Variants in NBPF11 observed in about 807,000 individuals in gnomAD.
NBPF11 encodes NBPF member 11, also known as NBPF family member NBPF11.
A neutral mutation model predicts 93.9 loss-of-function variants in NBPF11; 72 were observed. The observed-to-expected ratio is 0.77, with a 90% CI of 0.63 to 0.93. The LOEUF (loss-of-function observed/expected upper bound fraction) is 0.93. Among genes scored for constraint, NBPF11 ranks in the 40% least tolerant of loss-of-function variants. The pLI is 0.00. For missense variants in NBPF11, 705 were observed against 802.2 expected (o/e 0.88, Z 1.46); for synonymous variants, 224 against 304.9 (o/e 0.73, Z 2.76).
intron 5 of NBPF11, 148 bp from the exon 6 acceptor site, chr1:148,125,149 C>T: frequency 3.6e-6 from 3 of 842,776 alleles, no homozygotes; most frequent in Non-Finnish European, 5.7e-6. Flanking sequence ...CTTTACTCTT[C>T]AGTCTTCTGA....
intron 20 of NBPF11, among the ~76,000 whole-genome samples, chr1:148,106,694 A>G (rs1214320053): frequency 1.3e-5 from 2 of 148,722 alleles, no homozygotes; most frequent in African/African-American, 2.5e-5. Context: ...CCTGGGTCCA[A>G]TGTGCTGAGA....
chr1:148,128,003 G>A (rs1669526951), intron 4 of NBPF11, among the ~76,000 whole-genome samples: 1 of 150,526 alleles, frequency 6.6e-6, no homozygotes, highest in Admixed American at 6.6e-5. Context: ...TTGTTTGATT[G>A]TGTTTTTCCC....
At chr1:148,131,376 G>T (rs1670312390) in intron 4 of NBPF11, among the ~76,000 whole-genome samples, 1 of 147,826 alleles carries the variant, frequency 6.8e-6, no homozygotes, top group Admixed American at 6.6e-5. Flanking sequence ...GATCTGAAGG[G>T]ACTCTCCAAA....
chr1:148,122,928 T>C, intron 7 of NBPF11, 127 bp from the exon 8 acceptor site: 2 of 1,554,626 alleles, frequency 1.3e-6, no homozygotes, highest in South Asian at 1.2e-5. Flanking sequence ...TCTCATGTTT[T>C]ATCCTTCACA....
At chr1:148,136,495 G>C (rs1671305956) in intron 3 of NBPF11, among the ~76,000 whole-genome samples, 1 of 150,196 alleles carries the variant, frequency 6.7e-6, no homozygotes. Context: ...GAGTGCAATA[G>C]GAGCCATACG....
At chr1:148,142,952 C>A (rs1487798988) in intron 2 of NBPF11, among the ~76,000 whole-genome samples, 32 of 152,166 alleles carry the variant, frequency 2.1e-4, no homozygotes, top group African/African-American at 7.3e-4. Context: ...GAGGGCACTG[C>A]CTAAAACCAC....
rs1671568500 is a variant in NBPF11 at position 148,137,807 on chromosome 1, T to C, written c.-274A>G. 6.9e-6 allele frequency: 1 copy of C among 143,958 alleles called. No homozygotes were observed. Among genetic ancestry groups the C allele is most frequent in the Middle Eastern group, 3.4e-3 (1 of 292 alleles). The allele number at this position is 143,958 out of a possible 1,614,324, so 8.9% of individuals were successfully genotyped here. On this transcript the variant is annotated splice_region_variant and 5_prime_UTR_variant, in exon 3 of 24. The change abolishes an upstream ATG in the 5' untranslated region. Transcript: ENST00000682118. ...TGTGGCTTTACTGTTATCAATCACA[T>C]TTCTGAAAGAATAAAAATGGTTCAG...
intron 15 of NBPF11, among the ~76,000 whole-genome samples, chr1:148,112,104 C>CTTT (rs1171126687): frequency 2.3e-5 from 3 of 131,224 alleles, no homozygotes; most frequent in African/African-American, 6.6e-5. Flanking sequence ...ATTCAACATT[C>CTTT]TTTTTTTTCC....
chr1:148,136,776 G>T (rs2149278802), intron 3 of NBPF11, among the ~76,000 whole-genome samples: 1 of 151,978 alleles, frequency 6.6e-6, no homozygotes, highest in Middle Eastern at 3.4e-3. Context: ...CAGATAAGCT[G>T]TTTGTTCAGT....
Position 148,120,712 on chromosome 1 carries a change from T to G in NBPF11, c.779-2A>C, listed in dbSNP as rs1667624217. 3.4e-5 allele frequency: 51 copies of G among 1,501,722 alleles called. No homozygotes were observed. 93.0% of individuals were successfully genotyped at this position (1,501,722 alleles called of 1,614,324 possible). A position where few individuals can be genotyped will look rare whatever the true frequency, so the allele number is the denominator to read the frequency against. On this transcript the variant is annotated splice_acceptor_variant, in intron 9 of 23. Coordinates refer to ENST00000682118, the MANE Select transcript of NBPF11 (RefSeq NM_001385469.3). LOFTEE classifies it high-confidence loss of function. ...TGGCAGAAGAGGTGGGGCCAGGGACTGGGGAGAAGAAAGGCAAACATATGA... is the reference window on the plus strand; with the variant it reads ...TGGCAGAAGAGGTGGGGCCAGGGACGGGGGAGAAGAAAGGCAAACATATGA...
chr1:148,108,905 C>G (rs879962350), intron 17 of NBPF11, among the ~76,000 whole-genome samples: 1,071 of 126,554 alleles, frequency 8.5e-3, no homozygotes, highest in African/African-American at 0.039. Context: ...TGAGCTCAGT[C>G]AATTGGCCAG....
At position 148,143,457 on chromosome 1, in the gene NBPF11, A is replaced by T; in HGVS notation, c.-319T>A. The T allele has an allele frequency of 1.0e-6, 1 of 958,900 alleles. No individual in the cohort carries two copies. Among genetic ancestry groups the T allele is most frequent in the South Asian group, 2.7e-5 (1 of 37,534 alleles). The allele number at this position is 958,900 out of a possible 1,614,324, so 59.4% of individuals were successfully genotyped here. ...TCTTCATGTCGGCCCACACCATGTG[A>T]AGCTGCTCTTGGTGCACTGAATGGG... On this transcript the variant is annotated 5_prime_UTR_variant, in exon 2 of 24. Transcript: ENST00000682118.
In NBPF11 at chr1:148,115,643, G is replaced by C. The variant is rs1262722934; in HGVS notation, c.1585+150C>G. The C allele has an allele frequency of 7.6e-6, 10 of 1,310,630 alleles. No individual in the cohort carries two copies. The South Asian group carries it at 1.2e-4, about 16-fold the overall frequency. The allele number at this position is 1,310,630 out of a possible 1,614,324, so 81.2% of individuals were successfully genotyped here. A position where few individuals can be genotyped will look rare whatever the true frequency, so the allele number is the denominator to read the frequency against. ...ACTGGCAAACAAAGGCATGACATTA[G>C]CTGAGAAGGACAAAAAAACTCCCTG... On this transcript the variant is annotated intron_variant, in intron 14 of 23. Transcript: ENST00000682118.
At chr1:148,131,338 C>T (rs1670303006) in intron 4 of NBPF11, among the ~76,000 whole-genome samples, 1 of 151,520 alleles carries the variant, frequency 6.6e-6, no homozygotes, top group Admixed American at 6.6e-5. Flanking sequence ...AAGAAACTCC[C>T]CAGGCCTCCA....
At chr1:148,146,124 G>A (rs1672973844) in intron 1 of NBPF11, among the ~76,000 whole-genome samples, 1 of 151,904 alleles carries the variant, frequency 6.6e-6, no homozygotes, top group East Asian at 1.9e-4. Context: ...GCCATGGAGC[G>A]CGGCCCTGGG....
chr1:148,106,687 G>A (rs1486228357), intron 20 of NBPF11, among the ~76,000 whole-genome samples: 2 of 148,282 alleles, frequency 1.3e-5, no homozygotes, highest in African/African-American at 2.6e-5. Flanking sequence ...ACATCTGCCT[G>A]GGTCCAATGT....
At chr1:148,126,007 G>C (rs1326703434) in intron 5 of NBPF11, among the ~76,000 whole-genome samples, 7 of 151,750 alleles carry the variant, frequency 4.6e-5, no homozygotes, top group Non-Finnish European at 1.5e-5. Flanking sequence ...TTATCTTTTT[G>C]TTTGTTTGTT....
intron 4 of NBPF11, among the ~76,000 whole-genome samples, chr1:148,132,355 A>G (rs1175024991): frequency 2.9e-5 from 4 of 139,216 alleles, no homozygotes; most frequent in African/African-American, 8.0e-5. Context: ...TATATATTCT[A>G]TTTTTTTTTT....
chr1:148,111,814 C>G, intron 15 of NBPF11, among the ~76,000 whole-genome samples: 1 of 151,386 alleles, frequency 6.6e-6, no homozygotes, highest in Non-Finnish European at 1.5e-5. Flanking sequence ...TGGAACCAAG[C>G]TGGGAAACAT....
Sources: allele counts gnomAD v4.1 joint callset (sites outside exome capture counted in the v4.1 genomes callset), GRCh38; gene constraint gnomAD v4.1.1; transcripts MANE v1.5; gene names NCBI Gene and HGNC (gene_info 2026-07-23, HGNC 2026-07-21).